The following RGS12 variants were observed in gnomAD, a reference collection of about 807,000 sequenced individuals.
RGS12 encodes the protein regulator of G protein signaling 12.
Under a neutral mutation model 120.1 loss-of-function variants are expected in RGS12, and 66 were observed. The observed-to-expected ratio is 0.55, with a 90% CI of 0.45 to 0.67. The LOEUF (loss-of-function observed/expected upper bound fraction) is 0.67, where lower values mean the gene tolerates loss of function less well. Among genes scored for constraint, RGS12 ranks in the 30% least tolerant of loss-of-function variants. The probability of loss-of-function intolerance (pLI) is 0.00; values close to 1 mark genes in which losing one functional copy is unlikely to be tolerated. For synonymous variants in RGS12, 827 were observed against 804.7 expected (o/e 1.03, Z -0.47); for missense variants, 1,859 against 1,957.7 (o/e 0.95, Z 0.95).
intron 3 of RGS12, among the ~76,000 whole-genome samples, chr4:3,353,997 G>A (rs1714634260): frequency 6.6e-6 from 1 of 152,162 alleles, no homozygotes; most frequent in African/African-American, 2.4e-5. Flanking sequence ...ACATGCCTTG[G>A]TGTTACAGGG....
intron 2 of RGS12, among the ~76,000 whole-genome samples, chr4:3,339,781 G>A (rs1052446284): frequency 7.9e-5 from 12 of 152,204 alleles, no homozygotes; most frequent in African/African-American, 2.9e-4. Context: ...TTTGAGTGAG[G>A]CTGTGATGGC....
intron 1 of RGS12, among the ~76,000 whole-genome samples, chr4:3,295,438 A>G (rs539821882): frequency 1.3e-5 from 2 of 152,196 alleles, no homozygotes; most frequent in East Asian, 3.9e-4. Flanking sequence ...AGGCAGGTGG[A>G]TCACCTGAGG....
At chr4:3,362,200 C>T (rs1715637583) in intron 3 of RGS12, among the ~76,000 whole-genome samples, 1 of 151,316 alleles carries the variant, frequency 6.6e-6, no homozygotes, top group Non-Finnish European at 1.5e-5. Context: ...AGGTGGGGGA[C>T]ATGGGGTGTG....
chr4:3,400,859 AT>A (rs1290737713), intron 4 of RGS12, among the ~76,000 whole-genome samples: 1 of 150,268 alleles, frequency 6.7e-6, no homozygotes, highest in African/African-American at 2.4e-5. Flanking sequence ...ACTATTAGTA[AT>A]AGTATATATA....
In RGS12 at chr4:3,316,516, G is replaced by A. The variant is rs767295237; in HGVS notation, c.346G>A (p.Gly116Arg). The part of the protein sequence containing the change: ...SSDEEGGLYE[G>R]KGWLKPKLDS... ...TGATGAAGAAGGGGGACTCTATGAA[G>A]GAAAAGGCTGGCTGAAGCCCAAGCT... is the stretch of plus-strand genomic sequence containing the variant. The change falls in exon 2 of 18, where the codon GGA becomes AGA. Residue 116 changes from glycine to arginine, a missense_variant. Gly to Arg is a moderately radical substitution (Grantham distance 125). Transcript: ENST00000336727. The A allele has an allele frequency of 1.9e-6, 3 of 1,614,184 alleles. No homozygotes were observed. In the Admixed American group the frequency reaches 5.0e-5, roughly 27 times the overall value.
chr4:3,331,067 G>A (rs1711782023), intron 2 of RGS12, among the ~76,000 whole-genome samples: 2 of 152,206 alleles, frequency 1.3e-5, no homozygotes, highest in South Asian at 4.1e-4. Flanking sequence ...TTGCAGGAAT[G>A]GCGAGCAGCC....
intron 8 of RGS12, 65 bp downstream of exon 8, chr4:3,417,157 G>C: frequency 6.8e-7 from 1 of 1,477,534 alleles, no homozygotes. Context: ...GAGCTGTTCT[G>C]TGGGGAGTGA....
rs535425215 is a variant in RGS12, at chr4:3,412,085, C to T, written c.2021-1987C>T. ...GTTTCTGATCCTATCCCAGAACTTCCTTTCGGTCTTCTTTTAATTTTTTTC... is the reference window on the plus strand; with the variant it reads ...GTTTCTGATCCTATCCCAGAACTTCTTTTCGGTCTTCTTTTAATTTTTTTC... On this transcript the variant is annotated intron_variant, in intron 4 of 17. Coordinates refer to ENST00000336727, the MANE Select transcript of RGS12 (RefSeq NM_001394154.1). Among the ~76,000 whole-genome samples, 12 of 152,378 alleles carry T rather than the reference C, an allele frequency of 7.9e-5. No homozygotes were observed. The East Asian group carries it at 2.3e-3, about 29-fold the overall frequency.
chr4:3,337,964 C>T (rs1172358114), intron 2 of RGS12, among the ~76,000 whole-genome samples: 1 of 152,226 alleles, frequency 6.6e-6, no homozygotes, highest in African/African-American at 2.4e-5. Context: ...CACGGACTTG[C>T]TTCCCTGACT....
intron 14 of RGS12, among the ~76,000 whole-genome samples, chr4:3,427,664 A>T (rs1723794305): frequency 6.6e-6 from 1 of 152,168 alleles, no homozygotes; most frequent in African/African-American, 2.4e-5. Context: ...TGAACCCAGG[A>T]TGCGGGGGTT....
intron 1 of RGS12, among the ~76,000 whole-genome samples, chr4:3,301,656 G>A (rs796332216): frequency 2.0e-5 from 3 of 151,586 alleles, no homozygotes; most frequent in African/African-American, 4.8e-5. Context: ...GCCGGGGTCC[G>A]AGGGCTGGGG....
intron 1 of RGS12, 86 bp from the exon 2 acceptor site, chr4:3,315,984 A>G: frequency 2.0e-6 from 1 of 503,366 alleles, no homozygotes; most frequent in Non-Finnish European, 3.4e-6. Flanking sequence ...TTTATTATGA[A>G]TTATCTTTTT....
intron 3 of RGS12, among the ~76,000 whole-genome samples, chr4:3,367,254 T>C (rs1025863795): frequency 3.3e-5 from 5 of 152,252 alleles, no homozygotes; most frequent in Admixed American, 1.3e-4. Context: ...GGGCTTCGCC[T>C]TCTCTGGGAT....
At position 3,390,677 on chromosome 4, in the gene RGS12, C is replaced by T. The variant is rs934493933; in HGVS notation, c.2020+4240C>T. On this transcript the variant is annotated intron_variant, in intron 4 of 17. Transcript: ENST00000336727. The surrounding 1 kb of genome is among the most constrained non-coding windows in gnomAD (Gnocchi z 4.6). ...CCATGGCGGAAGATTCGGGCTCCAC[C>T]TGCAGCTCCACAGCTGACAGGCCGA... 5.3e-5 allele frequency among the ~76,000 whole-genome samples: 8 copies of T among 152,212 alleles called. No individual in the cohort carries two copies. The highest frequency in any genetic ancestry group is 2.4e-5 in the African/African-American group (1 of 41,458).
In RGS12 at chr4:3,404,191, A is replaced by G. The variant is rs540579655; in HGVS notation, c.2021-9881A>G. ...TACACTTGCCCCAAGCCTTGCAAAG[A>G]TTAGTTCTCTTCCATGAGAAAACCA... On this transcript the variant is annotated intron_variant, in intron 4 of 17. Transcript: ENST00000336727. Among the ~76,000 whole-genome samples, 3 of 152,358 alleles carry G rather than the reference A, an allele frequency of 2.0e-5. No homozygotes were observed. The South Asian group carries it at 6.2e-4, about 32-fold the overall frequency.
At chr4:3,411,020 C>T (rs369991524) in intron 4 of RGS12, among the ~76,000 whole-genome samples, 1 of 152,214 alleles carries the variant, frequency 6.6e-6, no homozygotes, top group South Asian at 2.1e-4. Context: ...TCAGTGTTGC[C>T]TTCGTGGCTC....
intron 13 of RGS12, among the ~76,000 whole-genome samples, chr4:3,424,203 C>T (rs918937825): frequency 6.6e-6 from 1 of 152,262 alleles, no homozygotes; most frequent in Non-Finnish European, 1.5e-5. Flanking sequence ...AGAGCTGGGC[C>T]CCGCTGAGGG....
intron 4 of RGS12, among the ~76,000 whole-genome samples, chr4:3,411,712 AGTGT>A (rs1560157607): frequency 6.6e-6 from 1 of 151,882 alleles, no homozygotes; most frequent in Admixed American, 6.6e-5. Context: ...GTGCAAGTTG[AGTGT>A]GTGTGAGAGT....
chr4:3,427,941 C>G (rs1055115062), intron 14 of RGS12, 149 bp from the exon 15 acceptor site: 3 of 754,328 alleles, frequency 4.0e-6, no homozygotes, highest in East Asian at 2.5e-5. Context: ...ATGGGGACTC[C>G]CCTCAGGGCT....
Sources: allele counts gnomAD v4.1 joint callset (sites outside exome capture counted in the v4.1 genomes callset), GRCh38; gene constraint gnomAD v4.1.1; non-coding constraint Gnocchi (gnomAD v3.1); transcripts MANE v1.5; gene names NCBI Gene and HGNC (gene_info 2026-07-23, HGNC 2026-07-21).